Variants in RBM47 observed in about 807,000 individuals in gnomAD.
RBM47 encodes the protein RNA-binding protein 47.
In RBM47, 21 loss-of-function variants were observed where a neutral mutation model predicts 47.1. The observed-to-expected ratio is 0.45, with a 90% CI of 0.32 to 0.64. RBM47 has a LOEUF of 0.64. Ranked by LOEUF, RBM47 falls within the 30% of genes least tolerant of loss-of-function variation. The pLI, the probability that RBM47 is intolerant of heterozygous loss-of-function variation, is 0.05. For synonymous variants in RBM47, 375 were observed against 361.7 expected (o/e 1.04, Z -0.42); for missense variants, 708 against 870.9 (o/e 0.81, Z 2.35).
At position 40,628,705 on chromosome 4, in the gene RBM47, TG is replaced by T. The variant is rs1387502479; in HGVS notation, c.-240+690del. Among the ~76,000 whole-genome samples, 3 of 152,346 alleles carry T rather than the reference TG, an allele frequency of 2.0e-5. No homozygotes were observed. The East Asian group carries it at 5.8e-4, about 29-fold the overall frequency. On this transcript the variant is annotated intron_variant, in intron 1 of 6. Transcript: ENST00000295971. This position sits in a 1 kb window ranked among gnomAD's most constrained non-coding sequence, Gnocchi z 4.0. Reference sequence around the variant, plus strand: ...TTTTTAGTTCAGGTCGGTAATGGCCTGTAAGTACCTTGAAGATGGTATCTTC... The same window carrying T: ...TTTTTAGTTCAGGTCGGTAATGGCCTTAAGTACCTTGAAGATGGTATCTTC...
intron 1 of RBM47, among the ~76,000 whole-genome samples, chr4:40,602,946 T>G (rs1324696881): frequency 1.3e-5 from 2 of 152,170 alleles, no homozygotes; most frequent in Non-Finnish European, 2.9e-5. Context: ...TCCCAGCACT[T>G]TGGGAGGCTG....
intron 1 of RBM47, among the ~76,000 whole-genome samples, chr4:40,591,054 C>A (rs1003910261): frequency 6.6e-6 from 1 of 152,152 alleles, no homozygotes; most frequent in Non-Finnish European, 1.5e-5. Context: ...CCACCTGCCT[C>A]GGCCTCCCAA....
intron 4 of RBM47, among the ~76,000 whole-genome samples, chr4:40,437,090 A>AAAAAAAAAAAAAAAATAT (rs1256296949): frequency 1.6e-4 from 8 of 49,840 alleles, no homozygotes; most frequent in Admixed American, 3.1e-4. Flanking sequence ...AAAAAAAAAA[A>AAAAAAAAAAAAAAAATAT]ATATATATAT....
At chr4:40,520,042 T>C (rs904604339) in intron 2 of RBM47, among the ~76,000 whole-genome samples, 11 of 151,458 alleles carry the variant, frequency 7.3e-5, no homozygotes, top group African/African-American at 2.2e-4. Flanking sequence ...CTCTATTTCA[T>C]ATTGAAGCCC....
chr4:40,498,068 ATATATATATATGTT>A (rs1378764145), intron 2 of RBM47, among the ~76,000 whole-genome samples: 2 of 141,280 alleles, frequency 1.4e-5, no homozygotes, highest in East Asian at 4.2e-4. Context: ...ATATATATAT[ATATATATATATGTT>A]TATCTAATTC....
intron 2 of RBM47, among the ~76,000 whole-genome samples, chr4:40,527,539 C>T (rs1196881995): frequency 6.7e-6 from 1 of 149,296 alleles, no homozygotes; most frequent in Non-Finnish European, 1.5e-5. Context: ...CATCCACCCG[C>T]CTTGGACTCC....
At chr4:40,601,764 G>A (rs1363710556) in intron 1 of RBM47, among the ~76,000 whole-genome samples, 4 of 152,146 alleles carry the variant, frequency 2.6e-5, no homozygotes, top group Non-Finnish European at 4.4e-5. Context: ...TGGAAACTAC[G>A]AGTCCAACTG....
intron 1 of RBM47, among the ~76,000 whole-genome samples, chr4:40,570,947 G>A (rs1189580727): frequency 6.6e-6 from 1 of 152,054 alleles, no homozygotes; most frequent in Non-Finnish European, 1.5e-5. Context: ...TGGGCGCGGT[G>A]GCTCACGCCT....
chr4:40,423,701 TTTCTTTCTTTCTTTTC>T lies in RBM47; in HGVS notation c.*2187_*2202del, dbSNP rs1385761865. Reference sequence around the variant, plus strand: ...CTTTCTTTCTTTCTTTCTTTCTTTCTTTCTTTCTTTCTTTTCTTTCTTTTCTTTCTTCCTCTTCTTC... The same window carrying T: ...CTTTCTTTCTTTCTTTCTTTCTTTCTTTTCTTTTCTTTCTTCCTCTTCTTC... On this transcript the variant is annotated 3_prime_UTR_variant, in exon 7 of 7. Coordinates refer to ENST00000295971, the MANE Select transcript of RBM47 (RefSeq NM_001098634.2). 1.1e-4 allele frequency: 7 copies of T among 64,822 alleles called. No homozygotes were observed. Among genetic ancestry groups the T allele is most frequent in the African/African-American group, 4.2e-4 (5 of 11,818 alleles). The allele number at this position is 64,822 out of a possible 1,614,324, so 4.0% of individuals were successfully genotyped here.
At chr4:40,471,965 GC>G (rs1718943092) in intron 2 of RBM47, among the ~76,000 whole-genome samples, 1 of 152,068 alleles carries the variant, frequency 6.6e-6, no homozygotes, top group African/African-American at 2.4e-5. Flanking sequence ...CCTGTGATAT[GC>G]TCCCCCAACA....
At chr4:40,501,569 G>A (rs992742475) in intron 2 of RBM47, among the ~76,000 whole-genome samples, 1 of 152,184 alleles carries the variant, frequency 6.6e-6, no homozygotes, top group Admixed American at 6.5e-5. Flanking sequence ...GTGCAAACAA[G>A]GAATTATTTC....
In RBM47 at chr4:40,569,016, T is replaced by TAGATAGATAGAC. The variant is rs1472373539; in HGVS notation, c.-239-24511_-239-24510insGTCTATCTATCT. On this transcript the variant is annotated intron_variant, in intron 1 of 6. Coordinates refer to ENST00000295971, the MANE Select transcript of RBM47 (RefSeq NM_001098634.2). ...ATAGATAGATAGATAGATAGATAGATAGACAGACAGACAGACAGACAGACA... is the reference window on the plus strand; with the variant it reads ...ATAGATAGATAGATAGATAGATAGATAGATAGATAGACAGACAGACAGACAGACAGACAGACA... Among the ~76,000 whole-genome samples, 437 of 98,854 alleles carry TAGATAGATAGAC rather than the reference T, an allele frequency of 4.4e-3. 7 individuals are homozygous for TAGATAGATAGAC. Among genetic ancestry groups the TAGATAGATAGAC allele is most frequent in the African/African-American group, 0.014 (392 of 28,938 alleles). The allele number at this position is 98,854 out of a possible 152,430, so 64.9% of individuals were successfully genotyped here.
chr4:40,538,328 G>GTTTTT (rs34309510), intron 2 of RBM47, among the ~76,000 whole-genome samples: 5 of 125,806 alleles, frequency 4.0e-5, no homozygotes, highest in African/African-American at 9.4e-5. Context: ...TATTGGTATT[G>GTTTTT]TTTTTTTTTT....
intron 2 of RBM47, among the ~76,000 whole-genome samples, chr4:40,481,588 G>A (rs1404539093): frequency 4.1e-5 from 6 of 147,584 alleles, no homozygotes; most frequent in Non-Finnish European, 1.5e-5. Flanking sequence ...GTCTCGCTCT[G>A]TTGCCCAGGC....
intron 1 of RBM47, among the ~76,000 whole-genome samples, chr4:40,572,985 G>T (rs190267302): frequency 1.3e-5 from 2 of 151,026 alleles, no homozygotes; most frequent in Admixed American, 1.3e-4. Context: ...AACCCTGTCT[G>T]CTAAAAATAC....
At chr4:40,585,770 G>T (rs1416120156) in intron 1 of RBM47, among the ~76,000 whole-genome samples, 1 of 152,210 alleles carries the variant, frequency 6.6e-6, no homozygotes, top group Admixed American at 6.5e-5. Context: ...CATCCATCAA[G>T]CACGGCACAT....
chr4:40,552,928 C>T (rs1729700316), intron 1 of RBM47, among the ~76,000 whole-genome samples: 1 of 152,122 alleles, frequency 6.6e-6, no homozygotes. Context: ...TGCTCAAATG[C>T]CATCTCCTCC....
At chr4:40,501,411 A>C (rs1723342447) in intron 2 of RBM47, among the ~76,000 whole-genome samples, 1 of 152,222 alleles carries the variant, frequency 6.6e-6, no homozygotes, top group South Asian at 2.1e-4. Flanking sequence ...CACAGCCCAT[A>C]CTTCACATAG....
chr4:40,456,048 T>C (rs190839234), intron 3 of RBM47, among the ~76,000 whole-genome samples: 19 of 152,352 alleles, frequency 1.2e-4, no homozygotes, highest in African/African-American at 4.3e-4. Context: ...TTTAAGACAC[T>C]GTACATGTGA....
Sources: gnomAD v4.1 joint callset for allele counts (sites outside exome capture counted in the v4.1 genomes callset) on GRCh38, gnomAD v4.1.1 for gene constraint, Gnocchi (gnomAD v3.1) non-coding constraint, MANE v1.5 for transcripts, NCBI Gene and HGNC (gene_info 2026-07-23, HGNC 2026-07-21) for gene names.